The following LRRTM4 variants were observed in gnomAD, a reference collection of about 807,000 sequenced individuals.
LRRTM4 encodes leucine-rich repeat transmembrane neuronal protein 4.
LRRTM4 carries 25 observed loss-of-function variants against 47.6 expected under a neutral mutation model. The observed-to-expected ratio is 0.53, with a 90% confidence interval of 0.38 to 0.73. The LOEUF (loss-of-function observed/expected upper bound fraction) is 0.73, where lower values mean the gene tolerates loss of function less well. Ranked by LOEUF, LRRTM4 falls within the 30% of genes least tolerant of loss-of-function variation. LRRTM4 has a pLI of 0.00. For missense variants in LRRTM4, 638 were observed against 713.4 expected, an observed-to-expected ratio of 0.89 and a Z score of 1.20; for synonymous variants, 311 against 269.5, an observed-to-expected ratio of 1.15 and a Z score of -1.51.
chr2:77,393,411 T>C (rs1001173675), intron 3 of LRRTM4, among the ~76,000 whole-genome samples: 3 of 151,820 alleles, frequency 2.0e-5, no homozygotes, highest in Non-Finnish European at 2.9e-5. Flanking sequence ...ATAATTCAGA[T>C]TGGCAAGTAG....
intron 3 of LRRTM4, among the ~76,000 whole-genome samples, chr2:77,303,642 C>T (rs1223434086): frequency 6.6e-6 from 1 of 152,116 alleles, no homozygotes; most frequent in Non-Finnish European, 1.5e-5. Context: ...GAGTAACCAC[C>T]ATTCAATTAT....
chr2:77,127,082 A>G (rs1397068221), intron 3 of LRRTM4, among the ~76,000 whole-genome samples: 2 of 152,074 alleles, frequency 1.3e-5, no homozygotes, highest in African/African-American at 4.8e-5. Flanking sequence ...TACTGAAAAC[A>G]CTTATGTGAT....
At chr2:77,298,023 T>A (rs1408798303) in intron 3 of LRRTM4, among the ~76,000 whole-genome samples, 1 of 152,144 alleles carries the variant, frequency 6.6e-6, no homozygotes, top group Non-Finnish European at 1.5e-5. Context: ...GATGAGCATG[T>A]GATGTGTAAG....
chr2:77,365,506 C>T (rs1672407546), intron 3 of LRRTM4, among the ~76,000 whole-genome samples: 1 of 151,612 alleles, frequency 6.6e-6, no homozygotes, highest in East Asian at 1.9e-4. Context: ...GGACATCTCT[C>T]TAAAATAATT....
intron 3 of LRRTM4, among the ~76,000 whole-genome samples, chr2:76,912,893 G>A (rs1302891455): frequency 6.6e-6 from 1 of 152,146 alleles, no homozygotes; most frequent in Non-Finnish European, 1.5e-5. Flanking sequence ...CCTGAGGTCT[G>A]TTTAGAAGCA....
intron 3 of LRRTM4, among the ~76,000 whole-genome samples, chr2:76,812,784 C>T (rs1670781803): frequency 8.0e-6 from 1 of 124,696 alleles, no homozygotes; most frequent in Admixed American, 8.6e-5. Context: ...CCCCCTCCTC[C>T]TCTCCCTCCC....
At chr2:76,918,598 A>G (rs74922627) in intron 3 of LRRTM4, among the ~76,000 whole-genome samples, 2,583 of 152,316 alleles carry the variant, frequency 0.017, 68 homozygotes, top group African/African-American at 0.049. Flanking sequence ...TGAGAGGGGG[A>G]AAATTTAAAA....
At chr2:76,929,187 G>C (rs1674685830) in intron 3 of LRRTM4, among the ~76,000 whole-genome samples, 1 of 152,194 alleles carries the variant, frequency 6.6e-6, no homozygotes, top group Non-Finnish European at 1.5e-5. Flanking sequence ...TTAGGTCACA[G>C]AGTTTAGGAC....
intron 3 of LRRTM4, among the ~76,000 whole-genome samples, chr2:77,178,695 T>C (rs1023789794): frequency 2.0e-5 from 3 of 152,230 alleles, no homozygotes; most frequent in African/African-American, 7.2e-5. Flanking sequence ...TATGTAGCTA[T>C]AAAATGGTAT....
At chr2:76,955,742 C>T (rs752047116) in intron 3 of LRRTM4, among the ~76,000 whole-genome samples, 2 of 151,672 alleles carry the variant, frequency 1.3e-5, no homozygotes, top group Non-Finnish European at 2.9e-5. Flanking sequence ...TCACTCTCCA[C>T]TTGGGGAGGG....
intron 3 of LRRTM4, among the ~76,000 whole-genome samples, chr2:77,149,785 C>T (rs1672365652): frequency 6.6e-6 from 1 of 152,110 alleles, no homozygotes; most frequent in South Asian, 2.1e-4. Context: ...TGAGTGTCTA[C>T]CTGTCAGCAT....
At chr2:76,798,958 A>C (rs2103759386) in intron 3 of LRRTM4, among the ~76,000 whole-genome samples, 1 of 151,350 alleles carries the variant, frequency 6.6e-6, no homozygotes, top group African/African-American at 2.4e-5. Flanking sequence ...GGCAATAATC[A>C]ATAGCTTACC....
intron 3 of LRRTM4, among the ~76,000 whole-genome samples, chr2:77,387,597 C>G (rs1360352660): frequency 6.6e-6 from 1 of 152,148 alleles, no homozygotes; most frequent in African/African-American, 2.4e-5. Flanking sequence ...CACGTGAACA[C>G]ACAATTCATG....
intron 3 of LRRTM4, among the ~76,000 whole-genome samples, chr2:77,128,244 G>C (rs1036243234): frequency 2.0e-5 from 3 of 152,004 alleles, no homozygotes; most frequent in Admixed American, 2.0e-4. Context: ...GATGACGTAA[G>C]GGAAAAAAAT....
chr2:77,488,409 C>T (rs1233147439), intron 3 of LRRTM4, among the ~76,000 whole-genome samples: 2 of 152,182 alleles, frequency 1.3e-5, no homozygotes, highest in African/African-American at 4.8e-5. Flanking sequence ...ACACCTGACT[C>T]ACTCTTGGCA....
chr2:77,106,600 G>A (rs1486722969), intron 3 of LRRTM4, among the ~76,000 whole-genome samples: 1 of 152,010 alleles, frequency 6.6e-6, no homozygotes, highest in Admixed American at 6.6e-5. Flanking sequence ...ATAAACACTT[G>A]TAGTGAGATA....
At chr2:77,478,750 G>A (rs1224255929) in intron 3 of LRRTM4, among the ~76,000 whole-genome samples, 1 of 152,130 alleles carries the variant, frequency 6.6e-6, no homozygotes, top group Non-Finnish European at 1.5e-5. Flanking sequence ...CCTGTAAGTG[G>A]TCTTTGATGT....
intron 3 of LRRTM4, among the ~76,000 whole-genome samples, chr2:77,514,389 T>C (rs929399268): frequency 3.9e-5 from 6 of 152,062 alleles, no homozygotes; most frequent in African/African-American, 1.4e-4. Context: ...ATACCAGTTG[T>C]TTGAACCTGA....
At chr2:77,151,851 CACT>C (rs1672439726) in intron 3 of LRRTM4, among the ~76,000 whole-genome samples, 1 of 152,114 alleles carries the variant, frequency 6.6e-6, no homozygotes, top group Non-Finnish European at 1.5e-5. Context: ...AAATATTTCT[CACT>C]ACTTTCTTAT....
Sources: allele counts gnomAD v4.1 joint callset (sites outside exome capture counted in the v4.1 genomes callset), GRCh38; gene constraint gnomAD v4.1.1; transcripts MANE v1.5; gene names NCBI Gene and HGNC (gene_info 2026-07-23, HGNC 2026-07-21).